The following RASA1 variants were observed in gnomAD, a reference collection of about 807,000 sequenced individuals.
RASA1 encodes the protein ras GTPase-activating protein 1.
A neutral mutation model predicts 132.2 loss-of-function variants in RASA1; 25 were observed. The ratio of observed to expected loss-of-function variants is 0.19; its 90% CI spans 0.14 to 0.26. The LOEUF is 0.26. Ranked by LOEUF, RASA1 falls within the 10% of genes least tolerant of loss-of-function variation. RASA1 has a pLI of 1.00. For synonymous variants in RASA1, 477 were observed against 449.9 expected (o/e 1.06, Z -0.76); for missense variants, 964 against 1,299.2 (o/e 0.74, Z 3.97).
chr5:87,351,495 A>G (rs920871200), intron 8 of RASA1, among the ~76,000 whole-genome samples: 2 of 151,794 alleles, frequency 1.3e-5, no homozygotes, highest in African/African-American at 4.8e-5. Flanking sequence ...GAAGAAGAAG[A>G]GTGCACATGG....
At chr5:87,361,175 CCA>C (rs1214817925) in intron 9 of RASA1, among the ~76,000 whole-genome samples, 1 of 152,122 alleles carries the variant, frequency 6.6e-6, no homozygotes, top group African/African-American at 2.4e-5. Flanking sequence ...CTGGAAGCAA[CCA>C]CAGACAGCAT....
chr5:87,359,353 G>A (rs1385209008), intron 9 of RASA1, among the ~76,000 whole-genome samples: 1 of 152,178 alleles, frequency 6.6e-6, no homozygotes, highest in Non-Finnish European at 1.5e-5. Context: ...CTCTCAGGCT[G>A]AGAAAAGGAA....
chr5:87,335,414 A>T (rs933570603), intron 4 of RASA1, among the ~76,000 whole-genome samples: 1 of 146,480 alleles, frequency 6.8e-6, no homozygotes, highest in African/African-American at 2.5e-5. Context: ...ATAATAAAGA[A>T]TGAGGTTTTT....
intron 7 of RASA1, 53 bp from the exon 8 acceptor site, chr5:87,349,160 TC>T: frequency 1.3e-6 from 2 of 1,584,066 alleles, no homozygotes; most frequent in South Asian, 2.2e-5. Context: ...CTACTTAACA[TC>T]TTTTCTTTTT....
chr5:87,278,988 A>C (rs542085982), intron 1 of RASA1, among the ~76,000 whole-genome samples: 1 of 129,602 alleles, frequency 7.7e-6, no homozygotes, highest in East Asian at 2.3e-4. Flanking sequence ...TCATTCCTGT[A>C]ATCTCAGCAC....
intron 1 of RASA1, chr5:87,330,984 G>T: frequency 1.4e-6 from 2 of 1,428,940 alleles, no homozygotes; most frequent in South Asian, 1.4e-5. Flanking sequence ...TAAGATCGAG[G>T]TAGTAAATTA....
intron 7 of RASA1, among the ~76,000 whole-genome samples, chr5:87,346,997 A>G (rs905681131): frequency 7.2e-5 from 11 of 152,008 alleles, no homozygotes; most frequent in African/African-American, 2.4e-4. Context: ...ATATGTTTCT[A>G]GAAGTTTTCT....
chr5:87,303,784 A>G (rs1379721493), intron 1 of RASA1, among the ~76,000 whole-genome samples: 2 of 151,620 alleles, frequency 1.3e-5, no homozygotes, highest in East Asian at 1.9e-4. Context: ...ACCAATTTCT[A>G]ATGAATTGAT....
intron 1 of RASA1, among the ~76,000 whole-genome samples, chr5:87,288,691 A>G (rs934592148): frequency 5.9e-5 from 9 of 152,044 alleles, no homozygotes; most frequent in Admixed American, 1.3e-4. Context: ...AAATGTTTTT[A>G]TTGGATATAG....
At chr5:87,378,143 A>T (rs1010511076) in intron 17 of RASA1, among the ~76,000 whole-genome samples, 2 of 152,116 alleles carry the variant, frequency 1.3e-5, no homozygotes, top group African/African-American at 4.8e-5. Context: ...CTGAGTCTTC[A>T]TTTTTCCATA....
At position 87,374,800 on chromosome 5, in the gene RASA1, C is replaced by T. The variant is rs777215364; in HGVS notation, c.1935-40C>T. On this transcript the variant is annotated intron_variant, in intron 14 of 24. Transcript: ENST00000274376. ...CTAAAGAAATAAGGTAGTTTGATGC[C>T]AAAACATTTTGTTAATTCTTTTTCT... The T allele has an allele frequency of 1.1e-5, 17 of 1,600,786 alleles. No individual in the cohort carries two copies. The Admixed American group carries it at 2.2e-4, about 21-fold the overall frequency.
At chr5:87,377,166 T>C (rs1345234953) in intron 17 of RASA1, 126 bp downstream of exon 17, 4 of 1,286,758 alleles carry the variant, frequency 3.1e-6, no homozygotes, top group Non-Finnish European at 4.4e-6. Context: ...TATTCTGTTT[T>C]CCCTCCTTAA....
chr5:87,335,669 G>A (rs1390933806), intron 4 of RASA1, among the ~76,000 whole-genome samples: 1 of 151,954 alleles, frequency 6.6e-6, no homozygotes, highest in African/African-American at 2.4e-5. Flanking sequence ...CGGGTGATCT[G>A]CCCGCCTTGG....
chr5:87,337,079 G>A (rs3804236), intron 4 of RASA1, among the ~76,000 whole-genome samples: 10,346 of 151,788 alleles, frequency 0.068, 796 homozygotes, highest in African/African-American at 0.19. Context: ...AAAATTGCTG[G>A]AAAAAAAGAC....
At chr5:87,304,984 A>G (rs556718407) in intron 1 of RASA1, among the ~76,000 whole-genome samples, 1 of 98,190 alleles carries the variant, frequency 1.0e-5, no homozygotes, top group Admixed American at 1.2e-4. Context: ...GTTGTCAAAT[A>G]TACTTTGTAT....
chr5:87,334,368 T>C (rs1185778418), intron 4 of RASA1, among the ~76,000 whole-genome samples: 2 of 152,150 alleles, frequency 1.3e-5, no homozygotes, highest in Non-Finnish European at 2.9e-5. Context: ...CCTCAGTGAA[T>C]TGGATGATGC....
chr5:87,309,799 CT>C (rs1458445087), intron 1 of RASA1, among the ~76,000 whole-genome samples: 1 of 151,828 alleles, frequency 6.6e-6, no homozygotes, highest in Admixed American at 6.6e-5. Flanking sequence ...TAAAAAAATA[CT>C]TTAACTTGTT....
chr5:87,352,987 T>C (rs1272683196), intron 8 of RASA1, among the ~76,000 whole-genome samples, 170 bp from the exon 9 acceptor site: 1 of 152,068 alleles, frequency 6.6e-6, no homozygotes, highest in Non-Finnish European at 1.5e-5. Context: ...CATTGTTTTT[T>C]CTAAAATAAT....
chr5:87,309,543 AATTT>A (rs1201803647), intron 1 of RASA1, among the ~76,000 whole-genome samples: 1 of 152,042 alleles, frequency 6.6e-6, no homozygotes, highest in Non-Finnish European at 1.5e-5. Flanking sequence ...GGATGTACAT[AATTT>A]ATTTACTCTT....
Sources: gnomAD v4.1 joint callset for allele counts (sites outside exome capture counted in the v4.1 genomes callset) on GRCh38, gnomAD v4.1.1 for gene constraint, MANE v1.5 for transcripts, NCBI Gene and HGNC (gene_info 2026-07-23, HGNC 2026-07-21) for gene names.